The following PTBP2 variants were observed in gnomAD, a reference collection of about 807,000 sequenced individuals.
PTBP2 encodes the protein polypyrimidine tract-binding protein 2.
In PTBP2, 13 loss-of-function variants were observed where a neutral mutation model predicts 61.4. That is an observed-to-expected ratio of 0.21 (90% CI 0.14 to 0.34). The LOEUF (loss-of-function observed/expected upper bound fraction) is 0.34, where lower values mean the gene tolerates loss of function less well. Ranked by LOEUF, PTBP2 falls within the 10% of genes least tolerant of loss-of-function variation. The pLI is 1.00. For missense variants in PTBP2, 405 were observed against 642.6 expected, an observed-to-expected ratio of 0.63 and a Z score of 4.00; for synonymous variants, 215 against 218.5, an observed-to-expected ratio of 0.98 and a Z score of 0.14.
chr1:96,726,832 C>T (rs918326879), intron 2 of PTBP2, among the ~76,000 whole-genome samples: 1 of 152,188 alleles, frequency 6.6e-6, no homozygotes, highest in Non-Finnish European at 1.5e-5. Flanking sequence ...ATCCGCCCGC[C>T]TTGACTTCCC....
intron 2 of PTBP2, among the ~76,000 whole-genome samples, chr1:96,746,640 G>A (rs1653800343): frequency 6.7e-6 from 1 of 150,294 alleles, no homozygotes; most frequent in African/African-American, 2.5e-5. Context: ...GGAGTTTGAG[G>A]CTGCAGTGAG....
downstream of PTBP2, chr1:96,816,395 A>G (rs183635229): frequency 1.3e-5 from 2 of 152,306 alleles, no homozygotes; most frequent in African/African-American, 4.8e-5. Flanking sequence ...GCTAACAAGT[A>G]TTCTTAGGAC....
At chr1:96,819,830 C>G (rs1287629354), downstream of PTBP2, 3 of 151,496 alleles carry the variant, frequency 2.0e-5, no homozygotes, top group Admixed American at 6.6e-5. Flanking sequence ...CTGGTATATT[C>G]AACTATGGTG....
intron 8 of PTBP2, among the ~76,000 whole-genome samples, chr1:96,794,956 C>A (rs1660222881): frequency 6.6e-6 from 1 of 152,122 alleles, no homozygotes; most frequent in Admixed American, 6.5e-5. Flanking sequence ...ACCAGTGTTA[C>A]CCAGGGAGTA....
At chr1:96,762,743 G>A (rs1258578054) in intron 3 of PTBP2, among the ~76,000 whole-genome samples, 1 of 151,960 alleles carries the variant, frequency 6.6e-6, no homozygotes, top group African/African-American at 2.4e-5. Context: ...CCTCCCAGAC[G>A]GGGTGACTGC....
At chr1:96,753,417 C>T (rs1294883339) in intron 3 of PTBP2, among the ~76,000 whole-genome samples, 1 of 152,046 alleles carries the variant, frequency 6.6e-6, no homozygotes, top group African/African-American at 2.4e-5. Context: ...GAAGGATTCA[C>T]CAGTTAATCT....
intron 8 of PTBP2, among the ~76,000 whole-genome samples, chr1:96,791,902 CG>C (rs1227245462): frequency 7.4e-6 from 1 of 136,042 alleles, no homozygotes. Context: ...CATGCAATCT[CG>C]GCTCACTGCA....
At position 96,723,519 on chromosome 1, in the gene PTBP2, T is replaced by G. The variant is rs187691653; in HGVS notation, c.9-45T>G. 5.7e-4 allele frequency: 869 copies of G among 1,537,978 alleles called. 6 individuals are homozygous for G. In the African/African-American group the frequency reaches 0.011, roughly 19 times the overall value. ...GTTTTAGAGCCAAAGAGTGAGTGAT[T>G]AGAAGAATAACAGGAGGTTGAAACT... On this transcript the variant is annotated intron_variant, in intron 1 of 13. Transcript: ENST00000674951.
chr1:96,760,025 C>T (rs116024428), intron 3 of PTBP2, among the ~76,000 whole-genome samples: 14 of 152,232 alleles, frequency 9.2e-5, no homozygotes, highest in East Asian at 1.9e-4. Context: ...TTCACTGTCA[C>T]GAGAACAGCA....
intron 11 of PTBP2, 106 bp downstream of exon 11, chr1:96,807,064 T>A (rs1661562233): frequency 2.5e-6 from 2 of 791,320 alleles, no homozygotes; most frequent in South Asian, 3.8e-5. Flanking sequence ...AAGAAATTAT[T>A]TTAATGGCCA....
At chr1:96,762,461 C>T (rs1570838625) in intron 3 of PTBP2, among the ~76,000 whole-genome samples, 1 of 146,568 alleles carries the variant, frequency 6.8e-6, no homozygotes, top group African/African-American at 2.6e-5. Flanking sequence ...CCCCCACCTC[C>T]CTCCCGGACG....
At chr1:96,750,056 A>C (rs940815111) in intron 2 of PTBP2, among the ~76,000 whole-genome samples, 1 of 151,786 alleles carries the variant, frequency 6.6e-6, no homozygotes, top group African/African-American at 2.4e-5. Context: ...CATCAGAAAC[A>C]CTTGGGGATT....
At chr1:96,771,512 CTTTACAAAGTGACAAAATCATTTTGTTAG>C in intron 5 of PTBP2, 1 of 151,824 alleles carries the variant, frequency 6.6e-6, no homozygotes, top group African/African-American at 2.4e-5. Flanking sequence ...ATTTTTGTCA[CTTTACAAAGTGACAAAATCATTTTGTTAG>C]TTTATGGAAA....
At chr1:96,754,115 A>G (rs1654889964) in intron 3 of PTBP2, among the ~76,000 whole-genome samples, 2 of 152,164 alleles carry the variant, frequency 1.3e-5, no homozygotes, top group African/African-American at 4.8e-5. Flanking sequence ...AGTAGTCAAA[A>G]TATTGAAAAC....
intron 8 of PTBP2, among the ~76,000 whole-genome samples, chr1:96,795,030 G>A (rs553301594): frequency 2.0e-5 from 3 of 152,232 alleles, no homozygotes; most frequent in African/African-American, 7.2e-5. Flanking sequence ...GAGTGTCTGC[G>A]ACCATTTGAT....
chr1:96,803,285 A>G (rs902557045), intron 8 of PTBP2, among the ~76,000 whole-genome samples: 1 of 152,108 alleles, frequency 6.6e-6, no homozygotes, highest in Admixed American at 6.5e-5. Flanking sequence ...GAGATTGGCC[A>G]TGAGTTGATC....
intron 3 of PTBP2, among the ~76,000 whole-genome samples, chr1:96,766,648 A>G (rs1051941063): frequency 2.0e-5 from 3 of 152,168 alleles, no homozygotes; most frequent in Non-Finnish European, 2.9e-5. Flanking sequence ...TCACATTCTC[A>G]TAGTATCATT....
At chr1:96,793,336 G>GATAGCT (rs1660044786) in intron 8 of PTBP2, among the ~76,000 whole-genome samples, 1 of 152,110 alleles carries the variant, frequency 6.6e-6, no homozygotes, top group African/African-American at 2.4e-5. Flanking sequence ...AGCTAAAGTA[G>GATAGCT]ATAGAGTTGT....
intron 8 of PTBP2, among the ~76,000 whole-genome samples, chr1:96,795,388 G>A (rs773063423): frequency 1.3e-5 from 2 of 152,196 alleles, no homozygotes; most frequent in African/African-American, 2.4e-5. Context: ...TGAGAAAAAT[G>A]AAGCATGTGG....
Sources: gnomAD v4.1 joint callset for allele counts (sites outside exome capture counted in the v4.1 genomes callset) on GRCh38, gnomAD v4.1.1 for gene constraint, MANE v1.5 for transcripts, NCBI Gene and HGNC (gene_info 2026-07-23, HGNC 2026-07-21) for gene names.